Variants in NFKBID observed in about 807,000 individuals in gnomAD.
NFKBID encodes the protein NF-kappa-B inhibitor delta.
In NFKBID, 26 loss-of-function variants were observed where a neutral mutation model predicts 53.4. That is an observed-to-expected ratio of 0.49 (90% CI 0.36 to 0.68). NFKBID has a LOEUF of 0.68. NFKBID is among the 30% of genes least tolerant of loss of function. NFKBID has a pLI of 0.00. For synonymous variants in NFKBID, 262 were observed against 259.8 expected (o/e 1.01, Z -0.08); for missense variants, 493 against 614.1 (o/e 0.80, Z 2.08).
rs564993742 is a variant in NFKBID, at chr19:35,898,352, A to C, written c.226+120T>G. ...CAACAGAGTGAGATCCTGTCTCAGA[A>C]AAAAAAAAAAAAGGGAAGAATGAGG... On this transcript the variant is annotated intron_variant, in intron 3 of 11. Coordinates refer to ENST00000641389, the Ensembl canonical transcript of NFKBID. 7.9e-6 allele frequency: 4 copies of C among 505,998 alleles called. No individual in the cohort carries two copies. The East Asian group carries it at 1.7e-4, about 21-fold the overall frequency. The allele number at this position is 505,998 out of a possible 1,614,324, so 31.3% of individuals were successfully genotyped here.
intron 9 of NFKBID, among the ~76,000 whole-genome samples, chr19:35,895,487 CAAAAACAA>C (rs1247463264): frequency 1.3e-5 from 2 of 149,698 alleles, no homozygotes; most frequent in Non-Finnish European, 3.0e-5. Flanking sequence ...GACCCTGTCT[CAAAAACAA>C]AAAAACAAAC....
At chr19:35,897,102 T>A (rs1262515391) in intron 4 of NFKBID, 44 bp from the exon 5 acceptor site, 1 of 1,575,534 alleles carries the variant, frequency 6.3e-7, no homozygotes, top group Admixed American at 2.1e-5. Flanking sequence ...GTCTGGGGGG[T>A]CCTGGAGGGT....
At chr19:35,900,793 ATTTCT>A (rs1306646250), upstream of NFKBID, 28 of 259,634 alleles carry the variant, frequency 1.1e-4, no homozygotes, top group South Asian at 2.0e-4. Context: ...GGGGGCCTGG[ATTTCT>A]TTTCTTTTCT....
chr19:35,900,847 T>G (rs866088268), upstream of NFKBID, among the ~76,000 whole-genome samples: 343 of 145,556 alleles, frequency 2.4e-3, no homozygotes, highest in African/African-American at 7.1e-3. Flanking sequence ...TTTTTTTTTT[T>G]TTGTTGTTGT....
exon 4 of NFKBID, chr19:35,897,758 C>T (rs890001748): frequency 1.9e-6 from 3 of 1,611,404 alleles, no homozygotes; most frequent in Non-Finnish European, 1.7e-6. Context: ...TAGGGGCTGT[C>T]AGTGTAGGCA....
At position 35,897,569 on chromosome 19, in the gene NFKBID, C is replaced by T. The variant is rs1329414536; in HGVS notation, c.432+82G>A. 1.5e-5 allele frequency: 11 copies of T among 758,480 alleles called. 1 individual carries two copies. In the East Asian group the frequency reaches 2.5e-4, roughly 17 times the overall value. The allele number at this position is 758,480 out of a possible 1,614,324, so 47.0% of individuals were successfully genotyped here. A position where few individuals can be genotyped will look rare whatever the true frequency, so the allele number is the denominator to read the frequency against. ...TGGAAAAGGGAATCGTAACTGAGCT[C>T]CAGACATCTCAGAATACTGCAGGAG... On this transcript the variant is annotated intron_variant, in intron 4 of 11. Transcript: ENST00000641389.
chr19:35,895,775 G>T (rs1342206705), intron 9 of NFKBID, among the ~76,000 whole-genome samples: 1 of 152,194 alleles, frequency 6.6e-6, no homozygotes, highest in East Asian at 1.9e-4. Flanking sequence ...TTGCACTCCA[G>T]CCAGGGCAAC....
intron 11 of NFKBID, among the ~76,000 whole-genome samples, chr19:35,889,186 TAA>T (rs552654313): frequency 2.3e-5 from 3 of 131,340 alleles, no homozygotes; most frequent in African/African-American, 2.7e-5. Context: ...CCCCATCTCT[TAA>T]AAAAAAAAAA....
chr19:35,894,224 A>G (rs1038041860), intron 9 of NFKBID, among the ~76,000 whole-genome samples: 2 of 152,186 alleles, frequency 1.3e-5, no homozygotes, highest in Non-Finnish European at 2.9e-5. Flanking sequence ...ATGCCACTGC[A>G]CTCCAGCCTG....
At chr19:35,897,443 C>T (rs1227446392) in intron 4 of NFKBID, 1 of 603,500 alleles carries the variant, frequency 1.7e-6, no homozygotes, top group African/African-American at 1.9e-5. Flanking sequence ...TTGGTTTCAC[C>T]ATGTTGGCCA....
chr19:35,895,843 C>T (rs1975102503), intron 9 of NFKBID, 137 bp downstream of exon 9: 7 of 743,848 alleles, frequency 9.4e-6, no homozygotes, highest in Non-Finnish European at 1.3e-5. Context: ...CCCTAAGGCA[C>T]AGAGAAGTGA....
intron 11 of NFKBID, among the ~76,000 whole-genome samples, chr19:35,889,451 A>C (rs373598167): frequency 1.3e-4 from 20 of 152,338 alleles, no homozygotes; most frequent in Middle Eastern, 3.4e-3. Flanking sequence ...CAGGAAGCAG[A>C]ACTTCAGTGA....
chr19:35,898,371 A>C (rs1392490905), intron 3 of NFKBID, 101 bp downstream of exon 3: 1 of 738,086 alleles, frequency 1.4e-6, no homozygotes, highest in African/African-American at 1.8e-5. Context: ...AAAAGGGAAG[A>C]ATGAGGGCCT....
At position 35,896,355 on chromosome 19, in the gene NFKBID, C is replaced by T. The variant is rs567467896; in HGVS notation, c.831+37G>A. The stretch of plus-strand genomic sequence containing the variant: ...AGCCAAAATCTGGGCAACCAGTCTA[C>T]CCCCCAGACAAACCCCTGCCTGCCA... On this transcript the variant is annotated intron_variant, in intron 7 of 11. Coordinates refer to ENST00000641389, the Ensembl canonical transcript of NFKBID. The surrounding 1 kb of genome is among the most constrained non-coding windows in gnomAD (Gnocchi z 5.7). 7 of 1,613,712 alleles carry T rather than the reference C, an allele frequency of 4.3e-6. No individual in the cohort carries two copies. The highest frequency in any genetic ancestry group is 1.3e-5 in the African/African-American group (1 of 74,922).
At chr19:35,902,237 T>C (rs2146979225), upstream of NFKBID, 1 of 703,494 alleles carries the variant, frequency 1.4e-6, no homozygotes, top group Non-Finnish European at 2.6e-6. Flanking sequence ...CAGCGTTTCA[T>C]GCCAGAAGGC....
chr19:35,895,330 A>G (rs1181328015), intron 9 of NFKBID, among the ~76,000 whole-genome samples: 1 of 151,478 alleles, frequency 6.6e-6, no homozygotes, highest in Non-Finnish European at 1.5e-5. Context: ...CAAAAAAAAA[A>G]AAAAAAAAAT....
In NFKBID at chr19:35,900,327, C is replaced by T; in HGVS notation, c.61+115G>A. 6.1e-6 allele frequency: 5 copies of T among 823,166 alleles called. No individual in the cohort carries two copies. The East Asian group carries it at 1.7e-4, about 28-fold the overall frequency. The allele number at this position is 823,166 out of a possible 1,614,324, so 51.0% of individuals were successfully genotyped here. A position where few individuals can be genotyped will look rare whatever the true frequency, so the allele number is the denominator to read the frequency against. Reference sequence around the variant, plus strand: ...CTCCTCCAAACACCTAGGGCCCTCACTCTCGGGATAAAGGACTGACGCTTC... The same window carrying T: ...CTCCTCCAAACACCTAGGGCCCTCATTCTCGGGATAAAGGACTGACGCTTC... On this transcript the variant is annotated intron_variant, in intron 1 of 11. Transcript: ENST00000641389.
rs988211373 is a variant in NFKBID, at chr19:35,900,307, C to T, written c.61+135G>A. 2.8e-5 allele frequency: 19 copies of T among 685,594 alleles called. No homozygotes were observed. In the African/African-American group the frequency reaches 3.5e-4, roughly 13 times the overall value. The allele number at this position is 685,594 out of a possible 1,614,324, so 42.5% of individuals were successfully genotyped here. On this transcript the variant is annotated intron_variant, in intron 1 of 11. Coordinates refer to ENST00000641389, the Ensembl canonical transcript of NFKBID. ...TCACGATCCACGATCCCCTCCTCCT[C>T]CAAACACCTAGGGCCCTCACTCTCG... is the stretch of plus-strand genomic sequence containing the variant.
exon 12 of NFKBID, chr19:35,888,288 T>C: frequency 2.1e-6 from 1 of 466,708 alleles, no homozygotes; most frequent in Non-Finnish European, 3.9e-6. Context: ...GGGAAAGGAC[T>C]AGGGGTGCAG....
Sources: allele counts gnomAD v4.1 joint callset (sites outside exome capture counted in the v4.1 genomes callset), GRCh38; gene constraint gnomAD v4.1.1; non-coding constraint Gnocchi (gnomAD v3.1); transcripts MANE v1.5; gene names NCBI Gene and HGNC (gene_info 2026-07-23, HGNC 2026-07-21).